The following VTA1 variants were observed in gnomAD, a reference collection of about 807,000 sequenced individuals.
VTA1 encodes the protein vacuolar protein sorting-associated protein VTA1 homolog.
A neutral mutation model predicts 36.9 loss-of-function variants in VTA1; 24 were observed. The observed-to-expected ratio is 0.65, with a 90% confidence interval of 0.47 to 0.91. The LOEUF is 0.91. VTA1 is among the 40% of genes least tolerant of loss of function. VTA1 has a pLI of 0.00. For missense variants in VTA1, 393 were observed against 377.2 expected (o/e 1.04, Z -0.35); for synonymous variants, 142 against 130.2 (o/e 1.09, Z -0.62).
At chr6:142,211,758 A>G (rs2114686462) in intron 7 of VTA1, among the ~76,000 whole-genome samples, 1 of 152,270 alleles carries the variant, frequency 6.6e-6, no homozygotes, top group Middle Eastern at 3.4e-3. Context: ...ACTGAGAGAA[A>G]ACATTGCAAA....
chr6:142,147,534 A>G, intron 1 of VTA1, 135 bp downstream of exon 1: 1 of 879,770 alleles, frequency 1.1e-6, no homozygotes, highest in South Asian at 1.6e-5. Context: ...CTACCCAGGG[A>G]ACTCCCTGGG....
At chr6:142,211,284 C>T (rs932720458) in intron 7 of VTA1, among the ~76,000 whole-genome samples, 1 of 151,890 alleles carries the variant, frequency 6.6e-6, no homozygotes, top group Non-Finnish European at 1.5e-5. Context: ...GAATATTTTA[C>T]CTTCATAAAA....
chr6:142,191,807 G>C (rs547604236), intron 5 of VTA1, among the ~76,000 whole-genome samples: 21 of 151,998 alleles, frequency 1.4e-4, no homozygotes, highest in South Asian at 6.2e-4. Context: ...CATTAAATCT[G>C]ATTTTGTGTG....
intron 1 of VTA1, among the ~76,000 whole-genome samples, chr6:142,160,242 G>A (rs547597506): frequency 1.3e-5 from 2 of 152,152 alleles, no homozygotes; most frequent in Non-Finnish European, 2.9e-5. Flanking sequence ...CGCTACAAAA[G>A]TATGCCCATC....
chr6:142,162,977 G>A (rs1398657235), intron 1 of VTA1, among the ~76,000 whole-genome samples: 1 of 152,162 alleles, frequency 6.6e-6, no homozygotes, highest in South Asian at 2.1e-4. Context: ...GCCACTGAGT[G>A]AAAGAGAGCA....
chr6:142,158,591 C>T (rs1778710248), intron 1 of VTA1, among the ~76,000 whole-genome samples: 1 of 152,154 alleles, frequency 6.6e-6, no homozygotes, highest in South Asian at 2.1e-4. Flanking sequence ...ATTATAACAA[C>T]CTCTACCTTT....
chr6:142,181,116 T>TATATATATATATATATATATACAC (rs753996612), intron 4 of VTA1, among the ~76,000 whole-genome samples: 1 of 87,076 alleles, frequency 1.1e-5, no homozygotes, highest in African/African-American at 4.2e-5. Flanking sequence ...TATATATATA[T>TATATATATATATATATATATACAC]ACACACACAC....
intron 1 of VTA1, among the ~76,000 whole-genome samples, chr6:142,151,664 A>G (rs1778570589): frequency 6.6e-6 from 1 of 152,254 alleles, no homozygotes. Flanking sequence ...TGTGGTAGAC[A>G]TTCTCTTTAA....
At chr6:142,201,268 A>T (rs1775679812) in intron 6 of VTA1, among the ~76,000 whole-genome samples, 1 of 151,918 alleles carries the variant, frequency 6.6e-6, no homozygotes. Flanking sequence ...AAATAATAGC[A>T]AATGTTTCCC....
intron 3 of VTA1, 97 bp downstream of exon 3, chr6:142,169,774 T>C: frequency 8.6e-7 from 1 of 1,157,390 alleles, no homozygotes; most frequent in Non-Finnish European, 1.1e-6. Context: ...ACCTGCTGAT[T>C]GATTTAGGTT....
At chr6:142,163,311 A>C (rs1774845585) in intron 1 of VTA1, among the ~76,000 whole-genome samples, 1 of 152,062 alleles carries the variant, frequency 6.6e-6, no homozygotes. Context: ...GGAGGAAAAA[A>C]GGGAGAGGGT....
chr6:142,147,366 C>G lies in VTA1; in HGVS notation c.79C>G (p.His27Asp). 1 of 1,614,218 alleles carries G rather than the reference C, an allele frequency of 6.2e-7. No homozygotes were observed. The highest frequency in any genetic ancestry group is 8.5e-7 in the Non-Finnish European group (1 of 1,180,032). Reference sequence around the variant, plus strand: ...GCATCATCTGAGGACGGCTCAGGAGCATGACAAGCGAGACCCTGTGGTGGC... The same window carrying G: ...GCATCATCTGAGGACGGCTCAGGAGGATGACAAGCGAGACCCTGTGGTGGC... ...IQHHLRTAQE[H>D]DKRDPVVAYY... The change falls in exon 1 of 8, where the codon CAT (histidine) becomes GAT (aspartate). Residue 27 changes from histidine (H) to aspartate (D), a missense_variant. By Grantham distance (81) the His-to-Asp change is moderately conservative. Coordinates refer to ENST00000367630, the MANE Select transcript of VTA1 (RefSeq NM_016485.5).
Position 142,218,815 on chromosome 6 carries a change from A to T in VTA1, c.*172A>T, listed in dbSNP as rs563304818. On this transcript the variant is annotated 3_prime_UTR_variant, in exon 8 of 8. Transcript: ENST00000367630. The stretch of plus-strand genomic sequence containing the variant: ...GAAGCATTCATCAGCAGCCTCAACC[A>T]GTTTTCATTGTCCATTTACTAGATT... 221 of 693,356 alleles carry T rather than the reference A, an allele frequency of 3.2e-4. 3 individuals carry two copies. In the South Asian group the frequency reaches 3.2e-3, roughly 10 times the overall value. The allele number at this position is 693,356 out of a possible 1,614,324, so 43.0% of individuals were successfully genotyped here.
At chr6:142,167,709 C>T (rs1386640590) in intron 2 of VTA1, among the ~76,000 whole-genome samples, 1 of 152,184 alleles carries the variant, frequency 6.6e-6, no homozygotes, top group East Asian at 1.9e-4. Flanking sequence ...GTTAACTACC[C>T]AAAATCAGCC....
chr6:142,217,332 T>C (rs118015031), intron 7 of VTA1, among the ~76,000 whole-genome samples: 3,895 of 152,232 alleles, frequency 0.026, 67 homozygotes, highest in Non-Finnish European at 0.042. Flanking sequence ...TAATTTAAAA[T>C]ACAGCTTTTT....
chr6:142,202,339 G>A (rs922697077), intron 6 of VTA1, among the ~76,000 whole-genome samples: 2 of 151,722 alleles, frequency 1.3e-5, no homozygotes, highest in Admixed American at 1.3e-4. Flanking sequence ...CTTTTATACA[G>A]TTTTCTATAA....
Position 142,222,676 on chromosome 6 carries a change from T to G in VTA1, c.*4033T>G, listed in dbSNP as rs1776133829. The stretch of plus-strand genomic sequence containing the variant: ...TGGGTTTTGGTTTTCATATGAGAAG[T>G]ATCCTTCCCTGGTTGGTTGTAATCT... On this transcript the variant is annotated 3_prime_UTR_variant, in exon 8 of 8. Transcript: ENST00000367630. 1 of 51,242 alleles carries G rather than the reference T, an allele frequency of 2.0e-5. No individual in the cohort carries two copies. The highest frequency in any genetic ancestry group is 1.5e-4 in the Admixed American group (1 of 6,864). The allele number at this position is 51,242 out of a possible 1,614,324, so 3.2% of individuals were successfully genotyped here.
intron 4 of VTA1, among the ~76,000 whole-genome samples, chr6:142,175,960 A>G (rs914880489): frequency 6.6e-6 from 1 of 151,952 alleles, no homozygotes; most frequent in Non-Finnish European, 1.5e-5. Flanking sequence ...CCTTATTATC[A>G]TTCCATCACA....
intron 7 of VTA1, among the ~76,000 whole-genome samples, chr6:142,211,860 G>A (rs189747976): frequency 1.3e-3 from 200 of 152,136 alleles, no homozygotes; most frequent in Middle Eastern, 0.01. Flanking sequence ...TTAGCAAAAG[G>A]CCTTTATAGG....
Sources: allele counts gnomAD v4.1 joint callset (sites outside exome capture counted in the v4.1 genomes callset), GRCh38; gene constraint gnomAD v4.1.1; transcripts MANE v1.5; gene names NCBI Gene and HGNC (gene_info 2026-07-23, HGNC 2026-07-21).